The following CSMD1 variants were observed in gnomAD, a reference collection of about 807,000 sequenced individuals.
CSMD1 encodes CUB and Sushi multiple domains 1.
Under a neutral mutation model 417.5 loss-of-function variants are expected in CSMD1, and 213 were observed. The observed-to-expected ratio is 0.51, with a 90% CI of 0.46 to 0.57. The LOEUF (loss-of-function observed/expected upper bound fraction) is 0.57. CSMD1 is among the 20% of genes least tolerant of loss of function. CSMD1 has a pLI of 0.00. For synonymous variants in CSMD1, 2,862 were observed against 1,736.8 expected (o/e 1.65, Z -16.11); for missense variants, 6,923 against 4,529.7 (o/e 1.53, Z -15.17).
At chr8:3,073,987 C>G (rs189954328) in intron 49 of CSMD1, among the ~76,000 whole-genome samples, 1 of 152,192 alleles carries the variant, frequency 6.6e-6, no homozygotes, top group African/African-American at 2.4e-5. Flanking sequence ...TTTATTCCAA[C>G]ACGATTTCTG....
intron 3 of CSMD1, among the ~76,000 whole-genome samples, chr8:4,129,281 A>C (rs984761302): frequency 1.1e-4 from 17 of 152,038 alleles, no homozygotes; most frequent in African/African-American, 4.1e-4. Flanking sequence ...GCTGTCAACA[A>C]AACTAGCACA....
intron 3 of CSMD1, among the ~76,000 whole-genome samples, chr8:4,337,185 T>A (rs922351574): frequency 2.8e-4 from 42 of 152,232 alleles, no homozygotes; most frequent in African/African-American, 9.6e-4. Flanking sequence ...TTTGCAACAG[T>A]GTTATCTCAA....
intron 12 of CSMD1, among the ~76,000 whole-genome samples, chr8:3,423,285 G>T (rs958273384): frequency 1.3e-5 from 2 of 152,124 alleles, no homozygotes; most frequent in African/African-American, 4.8e-5. Flanking sequence ...TGGTATGGAG[G>T]CTTCTCATTC....
At chr8:4,112,378 G>T (rs1433945358) in intron 3 of CSMD1, among the ~76,000 whole-genome samples, 1 of 152,142 alleles carries the variant, frequency 6.6e-6, no homozygotes, top group Non-Finnish European at 1.5e-5. Context: ...AACCCATCCA[G>T]GAAGAAAATG....
chr8:2,980,598 C>G lies in CSMD1; in HGVS notation c.8378-1798G>C, dbSNP rs73502824. On this transcript the variant is annotated intron_variant, in intron 54 of 69. Coordinates refer to ENST00000635120, the MANE Select transcript of CSMD1 (RefSeq NM_033225.6). ...AGTAACAACAGGATCCAGTCACACCCTTCTCCTTGCAGGCAGAGAACCAAA... is the reference window on the plus strand; with the variant it reads ...AGTAACAACAGGATCCAGTCACACCGTTCTCCTTGCAGGCAGAGAACCAAA... Among the ~76,000 whole-genome samples, 550 of 151,206 alleles carry G rather than the reference C, an allele frequency of 3.6e-3. 3 individuals carry two copies. Among genetic ancestry groups the G allele is most frequent in the African/African-American group, 0.013 (512 of 40,530 alleles).
intron 5 of CSMD1, among the ~76,000 whole-genome samples, chr8:3,954,423 CGGTGGT>C (rs1811797662): frequency 6.6e-6 from 1 of 152,056 alleles, no homozygotes; most frequent in Non-Finnish European, 1.5e-5. Context: ...AGTGCAGTGG[CGGTGGT>C]GATCTCAGCT....
chr8:3,801,492 G>A (rs770374416), intron 5 of CSMD1, among the ~76,000 whole-genome samples: 2 of 152,166 alleles, frequency 1.3e-5, no homozygotes, highest in Non-Finnish European at 2.9e-5. Context: ...CAAGGATGTA[G>A]AGAATTGGAA....
chr8:4,795,147 G>A (rs965266823), intron 1 of CSMD1, among the ~76,000 whole-genome samples: 5 of 149,078 alleles, frequency 3.4e-5, no homozygotes, highest in Non-Finnish European at 7.4e-5. Flanking sequence ...AACTGGTAAA[G>A]ACGTCTAAGA....
chr8:3,677,743 A>C (rs1427558184), intron 7 of CSMD1, among the ~76,000 whole-genome samples: 2 of 152,100 alleles, frequency 1.3e-5, no homozygotes, highest in African/African-American at 4.8e-5. Flanking sequence ...AAAAGCCCTA[A>C]ACTTTGTAAA....
chr8:4,441,095 G>GTTTTT lies in CSMD1; in HGVS notation c.303-21035_303-21031dup, dbSNP rs36000734. Among the ~76,000 whole-genome samples, 77 of 51,298 alleles carry GTTTTT rather than the reference G, an allele frequency of 1.5e-3. 19 individuals carry two copies. The highest frequency in any genetic ancestry group is 2.7e-3 in the Admixed American group (7 of 2,566). 33.7% of individuals were successfully genotyped at this position (51,298 alleles called of 152,430 possible). On this transcript the variant is annotated intron_variant, in intron 2 of 69. Transcript: ENST00000635120. The stretch of plus-strand genomic sequence containing the variant: ...AATAATTTGACTCGTTAATCAAAAG[G>GTTTTT]TTTTTTTTTTTTTTTTTTTTTTTAA...
chr8:2,971,290 A>G (rs574694875), intron 57 of CSMD1, among the ~76,000 whole-genome samples: 77 of 152,220 alleles, frequency 5.1e-4, no homozygotes, highest in Non-Finnish European at 7.6e-4. Flanking sequence ...AACGCCTCTC[A>G]TAACTCTCTT....
intron 3 of CSMD1, among the ~76,000 whole-genome samples, chr8:4,391,946 G>C (rs552524263): frequency 6.6e-6 from 1 of 152,164 alleles, no homozygotes; most frequent in African/African-American, 2.4e-5. Flanking sequence ...TACTGAGATA[G>C]TCTCCTTGAG....
intron 1 of CSMD1, among the ~76,000 whole-genome samples, chr8:4,710,078 A>T (rs1208844339): frequency 6.6e-6 from 1 of 152,160 alleles, no homozygotes; most frequent in Middle Eastern, 3.2e-3. Flanking sequence ...CTGGGGCAAG[A>T]ACACAAAATA....
chr8:3,092,285 T>G (rs902987015), intron 47 of CSMD1, among the ~76,000 whole-genome samples: 2 of 152,158 alleles, frequency 1.3e-5, no homozygotes, highest in Admixed American at 1.3e-4. Flanking sequence ...CATATCCACA[T>G]AGGTAATTCT....
At chr8:4,137,495 G>C (rs1803509632) in intron 3 of CSMD1, among the ~76,000 whole-genome samples, 1 of 131,502 alleles carries the variant, frequency 7.6e-6, no homozygotes, top group East Asian at 2.0e-4. Context: ...ATATAACATT[G>C]TTTTTCCTTT....
intron 7 of CSMD1, among the ~76,000 whole-genome samples, chr8:3,691,835 G>A (rs113291996): frequency 6.6e-6 from 1 of 152,158 alleles, no homozygotes; most frequent in South Asian, 2.1e-4. Flanking sequence ...TATGATGAAA[G>A]AGAGTCTGTA....
In CSMD1 at chr8:4,347,445, C is replaced by T. The variant is rs138600947; in HGVS notation, c.415+72508G>A. Among the ~76,000 whole-genome samples, 551 of 152,258 alleles carry T rather than the reference C, an allele frequency of 3.6e-3. 3 individuals carry two copies. Among genetic ancestry groups the T allele is most frequent in the African/African-American group, 0.013 (529 of 41,546 alleles). ...CTTAAATATTTTAGCCAAACACACA[C>T]AAGAGCTTATACCACATCTATGAAG... On this transcript the variant is annotated intron_variant, in intron 3 of 69. Coordinates refer to ENST00000635120, the MANE Select transcript of CSMD1 (RefSeq NM_033225.6).
At chr8:4,856,100 G>T (rs961013301) in intron 1 of CSMD1, among the ~76,000 whole-genome samples, 1 of 151,944 alleles carries the variant, frequency 6.6e-6, no homozygotes, top group Non-Finnish European at 1.5e-5. Context: ...AGAGAGTGGG[G>T]GCCAATATTC....
chr8:4,966,726 A>G (rs1466723743), intron 1 of CSMD1, among the ~76,000 whole-genome samples: 1 of 152,214 alleles, frequency 6.6e-6, no homozygotes, highest in Non-Finnish European at 1.5e-5. Flanking sequence ...GCAAAAAACT[A>G]AAAAGGACTA....
Sources: allele counts gnomAD v4.1 joint callset (sites outside exome capture counted in the v4.1 genomes callset), GRCh38; gene constraint gnomAD v4.1.1; transcripts MANE v1.5; gene names NCBI Gene and HGNC (gene_info 2026-07-23, HGNC 2026-07-21).